Variants in KCNIP1 observed in about 807,000 individuals in gnomAD.
KCNIP1 encodes the protein potassium voltage-gated channel interacting protein 1, also known as A-type potassium channel modulatory protein KCNIP1.
In KCNIP1, 18 loss-of-function variants were observed where a neutral mutation model predicts 33.0. The ratio of observed to expected loss-of-function variants is 0.55; its 90% CI spans 0.38 to 0.81. The LOEUF is 0.81. Ranked by LOEUF, KCNIP1 falls within the 30% of genes least tolerant of loss-of-function variation. KCNIP1 has a pLI of 0.00. For missense variants in KCNIP1, 238 were observed against 271.6 expected, an observed-to-expected ratio of 0.88 and a Z score of 0.87; for synonymous variants, 93 against 98.3, an observed-to-expected ratio of 0.95 and a Z score of 0.32.
intron 1 of KCNIP1, among the ~76,000 whole-genome samples, chr5:170,411,498 G>A (rs1755188090): frequency 6.6e-6 from 1 of 152,202 alleles, no homozygotes; most frequent in Admixed American, 6.5e-5. Context: ...GTATGGCAGT[G>A]GCTCTGTGTC....
At chr5:170,673,376 A>G (rs551430536) in intron 1 of KCNIP1, among the ~76,000 whole-genome samples, 1 of 152,382 alleles carries the variant, frequency 6.6e-6, no homozygotes, top group South Asian at 2.1e-4. Flanking sequence ...AGTGGTGATG[A>G]TGACGACCAT....
At chr5:170,516,609 T>G (rs1187403648) in intron 1 of KCNIP1, among the ~76,000 whole-genome samples, 2 of 152,208 alleles carry the variant, frequency 1.3e-5, no homozygotes, top group African/African-American at 4.8e-5. Flanking sequence ...ACATCAAAGA[T>G]TGTGGCTTGG....
intron 1 of KCNIP1, among the ~76,000 whole-genome samples, chr5:170,676,146 GA>G (rs1485137103): frequency 4.0e-5 from 4 of 99,362 alleles, no homozygotes; most frequent in Non-Finnish European, 8.3e-5. Context: ...GGGAGGGAGA[GA>G]AGGGGGAGGT....
At chr5:170,493,185 C>T (rs1421407322) in intron 1 of KCNIP1, among the ~76,000 whole-genome samples, 1 of 152,176 alleles carries the variant, frequency 6.6e-6, no homozygotes, top group African/African-American at 2.4e-5. Flanking sequence ...CTGTATCCCC[C>T]ACCAAATGCG....
At chr5:170,506,384 T>G (rs1163452547) in intron 1 of KCNIP1, among the ~76,000 whole-genome samples, 1 of 152,154 alleles carries the variant, frequency 6.6e-6, no homozygotes, top group Non-Finnish European at 1.5e-5. Context: ...CCTCATATAC[T>G]GTGTTGGCTG....
At chr5:170,586,914 G>A (rs1758009179) in intron 1 of KCNIP1, among the ~76,000 whole-genome samples, 1 of 152,178 alleles carries the variant, frequency 6.6e-6, no homozygotes, top group African/African-American at 2.4e-5. Flanking sequence ...ACACAGCAGT[G>A]AACAGAATAG....
At chr5:170,490,603 G>A (rs1047397846) in intron 1 of KCNIP1, among the ~76,000 whole-genome samples, 1 of 152,182 alleles carries the variant, frequency 6.6e-6, no homozygotes, top group Non-Finnish European at 1.5e-5. Flanking sequence ...GGGAAACTGG[G>A]TGAAGGGTGC....
intron 1 of KCNIP1, among the ~76,000 whole-genome samples, chr5:170,651,295 A>T (rs924876): frequency 0.65 from 99,478 of 152,024 alleles, 33,858 homozygotes; most frequent in African/African-American, 0.85. Context: ...TATTAAATCC[A>T]TTTCTTATCC....
chr5:170,681,358 G>A, intron 1 of KCNIP1: 1 of 374,872 alleles, frequency 2.7e-6, no homozygotes, highest in East Asian at 3.8e-5. Flanking sequence ...GTGCTGCGCT[G>A]TCCGTCGTGC....
chr5:170,413,780 T>G (rs1373538392), intron 1 of KCNIP1, among the ~76,000 whole-genome samples: 2 of 152,058 alleles, frequency 1.3e-5, no homozygotes, highest in Admixed American at 6.6e-5. Flanking sequence ...AGCCTCCCCT[T>G]GTCACAGTGA....
At chr5:170,388,008 T>C (rs1764548293) in intron 1 of KCNIP1, among the ~76,000 whole-genome samples, 1 of 149,374 alleles carries the variant, frequency 6.7e-6, no homozygotes, top group Non-Finnish European at 1.5e-5. Flanking sequence ...GGCTCCTTCC[T>C]GGCTAATCAG....
At chr5:170,445,088 A>G (rs1157784670) in intron 1 of KCNIP1, among the ~76,000 whole-genome samples, 2 of 152,242 alleles carry the variant, frequency 1.3e-5, no homozygotes, top group Non-Finnish European at 2.9e-5. Context: ...GTGAGGTTGG[A>G]AACACAAGGG....
intron 1 of KCNIP1, among the ~76,000 whole-genome samples, chr5:170,384,827 A>G (rs895810071): frequency 6.6e-6 from 1 of 152,256 alleles, no homozygotes; most frequent in African/African-American, 2.4e-5. Context: ...TGCTGGCTCA[A>G]TGCAGACACA....
intron 1 of KCNIP1, among the ~76,000 whole-genome samples, chr5:170,646,318 T>A (rs1274369951): frequency 6.6e-6 from 1 of 152,162 alleles, no homozygotes; most frequent in Non-Finnish European, 1.5e-5. Context: ...ATATCTCTCA[T>A]GAACATAGAT....
intron 1 of KCNIP1, among the ~76,000 whole-genome samples, chr5:170,525,844 A>G (rs1035912432): frequency 3.9e-5 from 6 of 152,212 alleles, no homozygotes; most frequent in Non-Finnish European, 8.8e-5. Flanking sequence ...TGAGGGTGTT[A>G]GTTCGGGTCA....
chr5:170,386,888 T>G (rs1764496919), intron 1 of KCNIP1, among the ~76,000 whole-genome samples: 1 of 151,974 alleles, frequency 6.6e-6, no homozygotes, highest in African/African-American at 2.4e-5. Context: ...CCCTGGACAT[T>G]GACTCCACCC....
intron 1 of KCNIP1, among the ~76,000 whole-genome samples, chr5:170,415,311 T>C (rs1229963716): frequency 6.6e-6 from 1 of 152,222 alleles, no homozygotes; most frequent in Non-Finnish European, 1.5e-5. Flanking sequence ...CTTGGATCCC[T>C]AATCCTACAG....
chr5:170,558,050 G>A (rs1160216942), intron 1 of KCNIP1, among the ~76,000 whole-genome samples: 1 of 152,200 alleles, frequency 6.6e-6, no homozygotes, highest in East Asian at 1.9e-4. Flanking sequence ...GAGAGGACTT[G>A]ACGGGATTTG....
intron 1 of KCNIP1, among the ~76,000 whole-genome samples, chr5:170,439,070 C>T (rs903259778): frequency 6.6e-6 from 1 of 152,132 alleles, no homozygotes; most frequent in African/African-American, 2.4e-5. Flanking sequence ...TGGAGGGCTA[C>T]AAATCAACTG....
Sources: allele counts gnomAD v4.1 joint callset (sites outside exome capture counted in the v4.1 genomes callset), GRCh38; gene constraint gnomAD v4.1.1; transcripts MANE v1.5; gene names NCBI Gene and HGNC (gene_info 2026-07-23, HGNC 2026-07-21).